Variants in C10orf67 observed in about 807,000 individuals in gnomAD.
C10orf67 encodes chromosome 10 open reading frame 67.
Under a neutral mutation model 35.6 loss-of-function variants are expected in C10orf67, and 60 were observed. The ratio of observed to expected loss-of-function variants is 1.68; its 90% CI spans 1.37 to 2.09. The LOEUF (loss-of-function observed/expected upper bound fraction) is 2.09. Among genes scored for constraint, C10orf67 ranks in the 30% most tolerant of loss-of-function variants. The pLI, the probability that C10orf67 is intolerant of heterozygous loss-of-function variation, is 0.00. For missense variants in C10orf67, 474 were observed against 330.2 expected (o/e 1.44, Z -3.38); for synonymous variants, 167 against 115.8 (o/e 1.44, Z -2.84).
At chr10:23,302,415 A>G (rs1844110710) in intron 5 of C10orf67, among the ~76,000 whole-genome samples, 1 of 152,132 alleles carries the variant, frequency 6.6e-6, no homozygotes, top group South Asian at 2.1e-4. Flanking sequence ...TGAGGAAGTT[A>G]CTTAACCACC....
chr10:23,263,566 G>A (rs1164787893), intron 10 of C10orf67, among the ~76,000 whole-genome samples: 2 of 152,084 alleles, frequency 1.3e-5, no homozygotes, highest in Admixed American at 1.3e-4. Flanking sequence ...CTAAGAATGG[G>A]AACATGACTG....
chr10:23,318,922 C>T, intron 4 of C10orf67: 1 of 776,346 alleles, frequency 1.3e-6, no homozygotes, highest in Non-Finnish European at 2.4e-6. Context: ...ACAGTGGCTG[C>T]AGCAAATCCA....
At chr10:23,285,589 AT>A (rs1162879296) in intron 7 of C10orf67, among the ~76,000 whole-genome samples, 2 of 152,058 alleles carry the variant, frequency 1.3e-5, no homozygotes, top group African/African-American at 4.8e-5. Flanking sequence ...GACATTTCAC[AT>A]TTTTTACACC....
At chr10:23,299,156 C>G (rs1336298177) in intron 5 of C10orf67, among the ~76,000 whole-genome samples, 1 of 152,116 alleles carries the variant, frequency 6.6e-6, no homozygotes, top group Non-Finnish European at 1.5e-5. Flanking sequence ...GAACAACAGA[C>G]TCATTGATAA....
intron 8 of C10orf67, among the ~76,000 whole-genome samples, chr10:23,275,889 CA>C (rs1381590089): frequency 2.0e-5 from 3 of 152,154 alleles, no homozygotes; most frequent in Admixed American, 2.0e-4. Flanking sequence ...TCCCTGTAAT[CA>C]ATATCAATAT....
chr10:23,303,885 A>C (rs754789364), intron 4 of C10orf67, among the ~76,000 whole-genome samples: 6 of 152,220 alleles, frequency 3.9e-5, no homozygotes, highest in Non-Finnish European at 8.8e-5. Flanking sequence ...GTGGAGCCCA[A>C]GACTGAGGAG....
At chr10:23,340,437 T>C (rs1412625807) in intron 1 of C10orf67, among the ~76,000 whole-genome samples, 1 of 151,874 alleles carries the variant, frequency 6.6e-6, no homozygotes, top group Non-Finnish European at 1.5e-5. Context: ...AGAGGATCCC[T>C]TGAGCTCAGA....
chr10:23,224,345 C>T, intron 13 of C10orf67, among the ~76,000 whole-genome samples: 1 of 152,184 alleles, frequency 6.6e-6, no homozygotes, highest in East Asian at 1.9e-4. Context: ...AACGAACAAA[C>T]AGAAAGGACA....
chr10:23,307,816 G>C (rs866608450), intron 4 of C10orf67, among the ~76,000 whole-genome samples: 2 of 151,876 alleles, frequency 1.3e-5, no homozygotes, highest in African/African-American at 4.8e-5. Context: ...ACAGGGCTTT[G>C]CCACATTGCC....
intron 6 of C10orf67, among the ~76,000 whole-genome samples, 194 bp downstream of exon 6, chr10:23,290,938 G>C (rs74926586): frequency 6.6e-6 from 1 of 152,044 alleles, no homozygotes; most frequent in South Asian, 2.1e-4. Flanking sequence ...ATGGCTCAGG[G>C]GTACAACTAC....
At chr10:23,238,346 A>G (rs1427691440) in intron 13 of C10orf67, among the ~76,000 whole-genome samples, 1 of 152,156 alleles carries the variant, frequency 6.6e-6, no homozygotes, top group African/African-American at 2.4e-5. Context: ...ATACACTCTG[A>G]TGAGTATCTC....
At chr10:23,263,136 T>G (rs1588628047) in intron 10 of C10orf67, among the ~76,000 whole-genome samples, 2 of 152,344 alleles carry the variant, frequency 1.3e-5, no homozygotes, top group East Asian at 3.9e-4. Flanking sequence ...AGTGCTGGTT[T>G]TCCCAAACTG....
Position 23,250,666 on chromosome 10 carries a change from G to T in C10orf67, c.1226C>A (p.Ser409Tyr), listed in dbSNP as rs535012855. 143 of 398,216 alleles carry T rather than the reference G, an allele frequency of 3.6e-4. No individual in the cohort carries two copies. The highest frequency in any genetic ancestry group is 5.9e-4 in the Non-Finnish European group (134 of 225,850). The allele number at this position is 398,216 out of a possible 1,614,324, so 24.7% of individuals were successfully genotyped here. The stretch of plus-strand genomic sequence containing the variant: ...ATTTGCCTTTAATGCTTCTATTTGA[G>T]ACTCCAAACCATGTTTGTCTTCAAC... ...AVVEDKHGLESQIEALKANLE... is the reference protein window; with the variant it reads ...AVVEDKHGLEYQIEALKANLE... The change falls in exon 11 of 16, where the codon TCT becomes TAT. Residue 409 changes from serine (S) to tyrosine (Y), a missense_variant. Transcript: ENST00000636213.
chr10:23,276,768 A>C (rs948113598), intron 8 of C10orf67, among the ~76,000 whole-genome samples: 2 of 152,126 alleles, frequency 1.3e-5, no homozygotes, highest in Admixed American at 1.3e-4. Context: ...GCGAGAGATA[A>C]ATGGCAATTT....
intron 13 of C10orf67, among the ~76,000 whole-genome samples, chr10:23,229,871 A>G (rs533458722): frequency 5.9e-5 from 9 of 152,288 alleles, no homozygotes; most frequent in Non-Finnish European, 1.0e-4. Context: ...AGATTAGAAG[A>G]CTCAGTGATC....
At chr10:23,267,161 GAGAA>G (rs985059162) in intron 9 of C10orf67, 30 bp downstream of exon 9, 7 of 697,878 alleles carry the variant, frequency 1.0e-5, no homozygotes, top group Admixed American at 4.5e-5. Context: ...CAAAATAAAA[GAGAA>G]AGAGAGAGAG....
chr10:23,239,119 C>T, intron 13 of C10orf67, among the ~76,000 whole-genome samples: 1 of 152,280 alleles, frequency 6.6e-6, no homozygotes, highest in East Asian at 1.9e-4. Flanking sequence ...AGCATCACAG[C>T]AGGTTCTCAA....
chr10:23,257,811 TA>T (rs1360207574), intron 10 of C10orf67, among the ~76,000 whole-genome samples: 1 of 147,740 alleles, frequency 6.8e-6, no homozygotes. Context: ...TTTTTTTTTT[TA>T]AATAAAAGAC....
At chr10:23,261,046 T>C (rs984515372) in intron 10 of C10orf67, among the ~76,000 whole-genome samples, 1 of 152,196 alleles carries the variant, frequency 6.6e-6, no homozygotes, top group African/African-American at 2.4e-5. Flanking sequence ...GACCATCATT[T>C]CTGGGGGAAT....
Sources: allele counts gnomAD v4.1 joint callset (sites outside exome capture counted in the v4.1 genomes callset), GRCh38; gene constraint gnomAD v4.1.1; transcripts MANE v1.5; gene names NCBI Gene and HGNC (gene_info 2026-07-23, HGNC 2026-07-21).